ANKRD31: variants seen among roughly 807,000 people sequenced by gnomAD.
The protein encoded by ANKRD31 is ankyrin repeat domain-containing protein 31.
A neutral mutation model predicts 186.0 loss-of-function variants in ANKRD31; 147 were observed. The observed-to-expected ratio is 0.79, with a 90% CI of 0.69 to 0.91. The LOEUF is 0.91. Ranked by LOEUF, ANKRD31 falls within the 40% of genes least tolerant of loss-of-function variation. The probability of loss-of-function intolerance (pLI) is 0.00; values close to 1 mark genes in which losing one functional copy is unlikely to be tolerated. For missense variants in ANKRD31, 1,986 were observed against 2,148.8 expected (o/e 0.92, Z 1.50); for synonymous variants, 673 against 736.4 (o/e 0.91, Z 1.39).
At chr5:75,129,033 G>C (rs1466023777) in intron 17 of ANKRD31, among the ~76,000 whole-genome samples, 5 of 152,172 alleles carry the variant, frequency 3.3e-5, no homozygotes, top group African/African-American at 1.2e-4. Context: ...CCCAGTGTTG[G>C]AGGTGGGGTC....
chr5:75,104,508 G>A lies in ANKRD31; in HGVS notation c.5051C>T (p.Ser1684Leu). The stretch of plus-strand genomic sequence containing the variant: ...CAGAGATTCTGATGCCCCTGTAGGT[G>A]ATTGCTGGGAACTTGTTTTTCTGTT... Reference protein sequence around the residue: ...RGNRKTSSQQSPTGASESLAH... With the variant: ...RGNRKTSSQQLPTGASESLAH... Residue 1684 changes from serine (S) to leucine (L), a missense_variant, in exon 22 of 26, where the codon TCA becomes TTA. Coordinates refer to ENST00000506364, the MANE Select transcript of ANKRD31 (RefSeq NM_001372053.1). 2 of 1,537,140 alleles carry A rather than the reference G, an allele frequency of 1.3e-6. No individual in the cohort carries two copies. Among genetic ancestry groups the A allele is most frequent in the South Asian group, 2.4e-5 (2 of 84,010 alleles).
chr5:75,163,923 A>G (rs1267132189), intron 11 of ANKRD31, among the ~76,000 whole-genome samples: 1 of 152,214 alleles, frequency 6.6e-6, no homozygotes, highest in African/African-American at 2.4e-5. Flanking sequence ...TAAATTTAAC[A>G]TTCCTGCCTC....
chr5:75,078,413 T>C (rs1744831500), intron 25 of ANKRD31, among the ~76,000 whole-genome samples: 1 of 152,216 alleles, frequency 6.6e-6, no homozygotes, highest in South Asian at 2.1e-4. Context: ...CGGACCATTT[T>C]ATTAGGAACA....
At chr5:75,132,420 A>T (rs979753261) in intron 17 of ANKRD31, among the ~76,000 whole-genome samples, 8 of 152,224 alleles carry the variant, frequency 5.3e-5, no homozygotes, top group African/African-American at 1.7e-4. Flanking sequence ...GGTATCAGTG[A>T]TTGAAGATCA....
chr5:75,178,491 A>T (rs1754005113), intron 10 of ANKRD31, among the ~76,000 whole-genome samples: 1 of 151,996 alleles, frequency 6.6e-6, no homozygotes, highest in South Asian at 2.1e-4. Context: ...GAAGTAAAGC[A>T]CTCCTCAGCA....
intron 11 of ANKRD31, among the ~76,000 whole-genome samples, chr5:75,160,143 T>C (rs1429849137): frequency 6.6e-6 from 1 of 152,054 alleles, no homozygotes; most frequent in Non-Finnish European, 1.5e-5. Flanking sequence ...GTAATATTTG[T>C]AACAATATAT....
chr5:75,115,757 C>T (rs1395458817), intron 19 of ANKRD31, among the ~76,000 whole-genome samples: 1 of 151,182 alleles, frequency 6.6e-6, no homozygotes, highest in African/African-American at 2.4e-5. Context: ...AGTCAGGAAA[C>T]AACAGGTGCT....
rs1417473270 is a variant in ANKRD31, at chr5:75,157,326, G to A, written c.1708-2981C>T. Among the ~76,000 whole-genome samples the A allele has an allele frequency of 2.0e-5, 3 of 152,198 alleles. No homozygotes were observed. The East Asian group carries it at 5.8e-4, about 29-fold the overall frequency. On this transcript the variant is annotated intron_variant, in intron 11 of 25. Coordinates refer to ENST00000506364, the MANE Select transcript of ANKRD31 (RefSeq NM_001372053.1). ...TTGTGTGAAAGCAGAACTTATAAAT[G>A]CTAAACTTAGAGGTTTGGCTGAGGT...
At chr5:75,220,483 T>C (rs1757221191) in intron 3 of ANKRD31, among the ~76,000 whole-genome samples, 1 of 151,562 alleles carries the variant, frequency 6.6e-6, no homozygotes, top group South Asian at 2.1e-4. Flanking sequence ...CTACTAAAAA[T>C]ACAAAAAAAT....
In ANKRD31 at chr5:75,230,445, G is replaced by C. The variant is rs999977595; in HGVS notation, c.178+117C>G. 84 of 689,508 alleles carry C rather than the reference G, an allele frequency of 1.2e-4. 1 individual carries two copies. Among genetic ancestry groups the C allele is most frequent in the Middle Eastern group, 2.4e-4 (1 of 4,096 alleles). The allele number at this position is 689,508 out of a possible 1,614,324, so 42.7% of individuals were successfully genotyped here. A position where few individuals can be genotyped will look rare whatever the true frequency, so the allele number is the denominator to read the frequency against. Reference sequence around the variant, plus strand: ...ATACAAATTAGCTTATGGTAAAATTGGTTTCCTTATAATTCATTTTGCTTA... The same window carrying C: ...ATACAAATTAGCTTATGGTAAAATTCGTTTCCTTATAATTCATTTTGCTTA... On this transcript the variant is annotated intron_variant, in intron 2 of 25. Coordinates refer to ENST00000506364, the MANE Select transcript of ANKRD31 (RefSeq NM_001372053.1).
At chr5:75,221,290 T>C (rs1757284096) in intron 3 of ANKRD31, among the ~76,000 whole-genome samples, 2 of 152,156 alleles carry the variant, frequency 1.3e-5, no homozygotes, top group South Asian at 4.1e-4. Context: ...GAAATCTACA[T>C]GCAGTTTGAA....
intron 25 of ANKRD31, among the ~76,000 whole-genome samples, chr5:75,073,282 G>A (rs1482656614): frequency 2.7e-5 from 4 of 149,778 alleles, no homozygotes; most frequent in Non-Finnish European, 5.9e-5. Flanking sequence ...GGGTGAGAAA[G>A]TAAGACTCCA....
intron 15 of ANKRD31, 51 bp downstream of exon 15, chr5:75,143,950 G>C: frequency 5.1e-6 from 2 of 396,028 alleles, no homozygotes; most frequent in East Asian, 7.2e-5. Context: ...AGAGTGAATT[G>C]CTGGGCTTGA....
intron 17 of ANKRD31, among the ~76,000 whole-genome samples, chr5:75,127,075 C>T (rs1231106728): frequency 1.3e-5 from 2 of 151,558 alleles, no homozygotes; most frequent in East Asian, 3.9e-4. Flanking sequence ...GTCCCAGCTA[C>T]TCAGGAGGCT....
At chr5:75,179,106 C>T (rs1450534106) in intron 10 of ANKRD31, among the ~76,000 whole-genome samples, 2 of 151,898 alleles carry the variant, frequency 1.3e-5, no homozygotes, top group Non-Finnish European at 2.9e-5. Flanking sequence ...CTATAAACAC[C>T]TCTATGCAAA....
chr5:75,235,756 C>T (rs1341409234), intron 1 of ANKRD31, among the ~76,000 whole-genome samples: 1 of 152,172 alleles, frequency 6.6e-6, no homozygotes, highest in East Asian at 1.9e-4. Context: ...TCGGTATTGC[C>T]TGAAAAGTGT....
chr5:75,140,247 G>GAAGA (rs1750917206), intron 15 of ANKRD31, among the ~76,000 whole-genome samples: 1 of 86,234 alleles, frequency 1.2e-5, no homozygotes, highest in Non-Finnish European at 2.0e-5. Context: ...AGGAAGGAAG[G>GAAGA]AAGGAAGGAA....
At chr5:75,199,213 G>C (rs1427216018) in intron 6 of ANKRD31, among the ~76,000 whole-genome samples, 1 of 152,018 alleles carries the variant, frequency 6.6e-6, no homozygotes, top group Admixed American at 6.6e-5. Flanking sequence ...ATCTCACTGG[G>C]GAGGTCTTTG....
intron 12 of ANKRD31, among the ~76,000 whole-genome samples, chr5:75,151,271 C>A (rs1013319441): frequency 6.6e-6 from 1 of 151,934 alleles, no homozygotes; most frequent in Non-Finnish European, 1.5e-5. Context: ...ATTGGAAGAA[C>A]TGTTTTATAT....
Sources: gnomAD v4.1 joint callset for allele counts (sites outside exome capture counted in the v4.1 genomes callset) on GRCh38, gnomAD v4.1.1 for gene constraint, MANE v1.5 for transcripts, NCBI Gene and HGNC (gene_info 2026-07-23, HGNC 2026-07-21) for gene names.